The following SMAP1 variants were observed in gnomAD, a reference collection of about 807,000 sequenced individuals.
The protein encoded by SMAP1 is stromal membrane-associated protein 1.
A neutral mutation model predicts 58.5 loss-of-function variants in SMAP1; 24 were observed. That is an observed-to-expected ratio of 0.41 (90% confidence interval 0.30 to 0.58). The LOEUF (loss-of-function observed/expected upper bound fraction) is 0.58. SMAP1 is among the 20% of genes least tolerant of loss of function. The pLI is 0.29. For missense variants in SMAP1, 563 were observed against 566.3 expected, an observed-to-expected ratio of 0.99 and a Z score of 0.06; for synonymous variants, 216 against 196.6, an observed-to-expected ratio of 1.10 and a Z score of -0.82.
chr6:70,675,839 G>A (rs1479473478), intron 1 of SMAP1, among the ~76,000 whole-genome samples: 3 of 152,152 alleles, frequency 2.0e-5, no homozygotes, highest in Non-Finnish European at 4.4e-5. Context: ...GAATCTTGGG[G>A]ATGGTCCCAC....
chr6:70,709,917 G>A (rs1454072609), intron 1 of SMAP1, among the ~76,000 whole-genome samples: 1 of 120,148 alleles, frequency 8.3e-6, no homozygotes, highest in South Asian at 2.6e-4. Flanking sequence ...TTCATTCCCT[G>A]GTTAAATTTA....
intron 7 of SMAP1, among the ~76,000 whole-genome samples, chr6:70,839,427 A>G (rs1449503835): frequency 6.6e-6 from 1 of 152,168 alleles, no homozygotes; most frequent in Non-Finnish European, 1.5e-5. Flanking sequence ...AACAACTCCA[A>G]AATTTCAGTG....
chr6:70,848,287 T>G (rs1426739427), intron 7 of SMAP1, among the ~76,000 whole-genome samples: 1 of 152,174 alleles, frequency 6.6e-6, no homozygotes, highest in Admixed American at 6.5e-5. Flanking sequence ...GAAAAGATAC[T>G]GGTGTCAGTA....
intron 6 of SMAP1, among the ~76,000 whole-genome samples, chr6:70,828,756 T>A (rs1236948964): frequency 6.6e-6 from 1 of 152,224 alleles, no homozygotes; most frequent in Non-Finnish European, 1.5e-5. Flanking sequence ...ATCTAGCACC[T>A]TTCCCACTCA....
intron 5 of SMAP1, among the ~76,000 whole-genome samples, chr6:70,794,159 C>T (rs1253278853): frequency 4.6e-5 from 7 of 152,176 alleles, no homozygotes; most frequent in Non-Finnish European, 1.0e-4. Context: ...TGTTTCACTA[C>T]GTCACTTGTG....
At chr6:70,771,239 G>C (rs1307433323) in intron 3 of SMAP1, among the ~76,000 whole-genome samples, 1 of 152,232 alleles carries the variant, frequency 6.6e-6, no homozygotes, top group Non-Finnish European at 1.5e-5. Flanking sequence ...CCCATTCTCA[G>C]ATCTCCAGCT....
chr6:70,741,956 C>A (rs563963081), intron 2 of SMAP1, among the ~76,000 whole-genome samples: 1 of 152,150 alleles, frequency 6.6e-6, no homozygotes, highest in Non-Finnish European at 1.5e-5. Flanking sequence ...CCCTTTTAGC[C>A]GCAGCTGGAG....
chr6:70,834,503 A>G (rs118023835), intron 6 of SMAP1, among the ~76,000 whole-genome samples: 4,775 of 152,248 alleles, frequency 0.031, 125 homozygotes, highest in South Asian at 0.071. Flanking sequence ...CAGATTTTCT[A>G]AGTTTATTTT....
intron 7 of SMAP1, among the ~76,000 whole-genome samples, chr6:70,851,654 C>G (rs547707496): frequency 3.9e-5 from 6 of 152,246 alleles, no homozygotes; most frequent in Admixed American, 3.9e-4. Context: ...CAAACTCGAC[C>G]TATAGCACTC....
chr6:70,717,041 T>G (rs374364212), intron 1 of SMAP1, among the ~76,000 whole-genome samples: 1 of 152,192 alleles, frequency 6.6e-6, no homozygotes, highest in African/African-American at 2.4e-5. Context: ...TAGGTACCTC[T>G]AAAATCTTTT....
intron 1 of SMAP1, among the ~76,000 whole-genome samples, chr6:70,691,456 A>C (rs117646988): frequency 0.023 from 3,572 of 152,302 alleles, 51 homozygotes; most frequent in Non-Finnish European, 0.037. Context: ...TGTTACAAAC[A>C]TTACAGTTAT....
intron 6 of SMAP1, among the ~76,000 whole-genome samples, chr6:70,815,756 GT>G (rs1015504321): frequency 4.0e-5 from 6 of 150,798 alleles, no homozygotes; most frequent in East Asian, 1.9e-4. Context: ...CACTCAAGGT[GT>G]TTTTTTTTAA....
At chr6:70,740,047 CTG>C (rs1330727821) in intron 2 of SMAP1, among the ~76,000 whole-genome samples, 1 of 152,062 alleles carries the variant, frequency 6.6e-6, no homozygotes, top group African/African-American at 2.4e-5. Context: ...CAGTTTTAAT[CTG>C]TTTTTTGGGA....
intron 2 of SMAP1, among the ~76,000 whole-genome samples, chr6:70,745,842 T>G (rs578162155): frequency 7.2e-5 from 11 of 152,214 alleles, no homozygotes; most frequent in Admixed American, 3.9e-4. Context: ...TGTCCTCTTT[T>G]ATTTCGTTGA....
intron 6 of SMAP1, among the ~76,000 whole-genome samples, chr6:70,800,059 C>T (rs1009926470): frequency 6.6e-6 from 1 of 152,020 alleles, no homozygotes; most frequent in Non-Finnish European, 1.5e-5. Context: ...ACTATAGCTT[C>T]ATTTATTTTA....
chr6:70,769,207 C>G (rs1435837511), intron 3 of SMAP1, among the ~76,000 whole-genome samples: 3 of 152,004 alleles, frequency 2.0e-5, no homozygotes, highest in Admixed American at 6.5e-5. Flanking sequence ...TGGTGTGGTG[C>G]TGAAAAAAAT....
At chr6:70,763,040 G>T (rs1160782881) in intron 3 of SMAP1, among the ~76,000 whole-genome samples, 1 of 147,316 alleles carries the variant, frequency 6.8e-6, no homozygotes, top group Non-Finnish European at 1.5e-5. Flanking sequence ...TAAAACCATC[G>T]TAGTATTCTA....
At chr6:70,778,740 C>A (rs1243142243) in intron 4 of SMAP1, among the ~76,000 whole-genome samples, 1 of 152,162 alleles carries the variant, frequency 6.6e-6, no homozygotes, top group Non-Finnish European at 1.5e-5. Flanking sequence ...GTTGTCAGGC[C>A]CCTGGGCAGT....
At chr6:70,857,188 G>GAA in intron 9 of SMAP1, 158 bp downstream of exon 9, 1 of 653,120 alleles carries the variant, frequency 1.5e-6, no homozygotes, top group South Asian at 4.9e-5. Context: ...ATGAGCATTA[G>GAA]AATTAAAAAA....
Sources: gnomAD v4.1 joint callset for allele counts (sites outside exome capture counted in the v4.1 genomes callset) on GRCh38, gnomAD v4.1.1 for gene constraint, MANE v1.5 for transcripts, NCBI Gene and HGNC (gene_info 2026-07-23, HGNC 2026-07-21) for gene names.